The following GRM7 variants were observed in gnomAD, a reference collection of about 807,000 sequenced individuals.
GRM7 encodes the protein metabotropic glutamate receptor 7.
Under a neutral mutation model 84.5 loss-of-function variants are expected in GRM7, and 35 were observed. The ratio of observed to expected loss-of-function variants is 0.41; its 90% CI spans 0.32 to 0.55. The LOEUF (loss-of-function observed/expected upper bound fraction) is 0.55. GRM7 is among the 20% of genes least tolerant of loss of function. GRM7 has a pLI of 0.19. For missense variants in GRM7, 1,003 were observed against 1,194.6 expected, an observed-to-expected ratio of 0.84 and a Z score of 2.36; for synonymous variants, 487 against 455.1, an observed-to-expected ratio of 1.07 and a Z score of -0.89.
chr3:7,384,033 ATTTC>A (rs1694690670), intron 4 of GRM7, among the ~76,000 whole-genome samples: 1 of 152,090 alleles, frequency 6.6e-6, no homozygotes, highest in East Asian at 1.9e-4. Context: ...ACATGTATTT[ATTTC>A]TTTATTTAGG....
intron 7 of GRM7, among the ~76,000 whole-genome samples, chr3:7,482,938 A>G (rs1050421588): frequency 6.6e-6 from 1 of 152,210 alleles, no homozygotes; most frequent in African/African-American, 2.4e-5. Flanking sequence ...AGAAAGAGCT[A>G]ACATTTATTT....
intron 1 of GRM7, among the ~76,000 whole-genome samples, chr3:6,922,892 T>C (rs930964707): frequency 2.6e-5 from 4 of 152,238 alleles, no homozygotes; most frequent in African/African-American, 9.6e-5. Context: ...ATAAAGAATG[T>C]TGAATAAGTG....
chr3:7,536,217 A>G (rs1027438671), intron 7 of GRM7, among the ~76,000 whole-genome samples: 1 of 152,166 alleles, frequency 6.6e-6, no homozygotes, highest in African/African-American at 2.4e-5. Flanking sequence ...GTTTGAGATC[A>G]CTTATCAGTT....
rs530149152 is a variant in GRM7, at chr3:6,899,210, A to C, written c.519+37303A>C. Reference sequence around the variant, plus strand: ...TGATACTGTGCTAGTTCTTTTACATATCTTTTCTCACTTAGTTTTATCTAT... The same window carrying C: ...TGATACTGTGCTAGTTCTTTTACATCTCTTTTCTCACTTAGTTTTATCTAT... On this transcript the variant is annotated intron_variant, in intron 1 of 9. Coordinates refer to ENST00000357716, the MANE Select transcript of GRM7 (RefSeq NM_000844.4). Among the ~76,000 whole-genome samples, 3 of 152,304 alleles carry C rather than the reference A, an allele frequency of 2.0e-5. No individual in the cohort carries two copies. In the East Asian group the frequency reaches 5.8e-4, roughly 29 times the overall value.
At chr3:6,948,686 G>A (rs1698188191) in intron 1 of GRM7, among the ~76,000 whole-genome samples, 2 of 152,186 alleles carry the variant, frequency 1.3e-5, no homozygotes, top group African/African-American at 2.4e-5. Context: ...TTGTGTGGGT[G>A]TCTAAGTCTC....
At chr3:7,630,148 T>A (rs1207310969) in intron 8 of GRM7, among the ~76,000 whole-genome samples, 8 of 152,184 alleles carry the variant, frequency 5.3e-5, no homozygotes, top group Non-Finnish European at 1.2e-4. Flanking sequence ...AAACTTCAGA[T>A]GACAAGAATG....
intron 7 of GRM7, among the ~76,000 whole-genome samples, chr3:7,554,716 T>G (rs182516199): frequency 6.6e-6 from 1 of 152,278 alleles, no homozygotes; most frequent in East Asian, 1.9e-4. Flanking sequence ...CATACTCTCT[T>G]CATTAGTTGG....
At chr3:7,162,045 C>A (rs1694641602) in intron 2 of GRM7, among the ~76,000 whole-genome samples, 1 of 152,138 alleles carries the variant, frequency 6.6e-6, no homozygotes, top group South Asian at 2.1e-4. Context: ...TTGTGAACAA[C>A]TAATTGGATG....
At chr3:7,707,930 A>ATTTTT (rs34344224) in intron 9 of GRM7, among the ~76,000 whole-genome samples, 4 of 123,688 alleles carry the variant, frequency 3.2e-5, no homozygotes, top group Admixed American at 1.6e-4. Flanking sequence ...GAAGCTTTCA[A>ATTTTT]TTTTTTTTTT....
At chr3:7,448,190 A>T (rs1697607779) in intron 5 of GRM7, among the ~76,000 whole-genome samples, 1 of 151,072 alleles carries the variant, frequency 6.6e-6, no homozygotes, top group Admixed American at 6.6e-5. Flanking sequence ...TGCTATTGTG[A>T]ATAATGCCGC....
chr3:6,949,266 C>A (rs895907170), intron 1 of GRM7, among the ~76,000 whole-genome samples: 15 of 152,188 alleles, frequency 9.9e-5, no homozygotes, highest in Admixed American at 3.9e-4. Context: ...GACAAAATCT[C>A]TCAGCATTTG....
intron 1 of GRM7, among the ~76,000 whole-genome samples, chr3:7,120,425 T>C (rs1362369583): frequency 6.6e-6 from 1 of 152,110 alleles, no homozygotes; most frequent in Non-Finnish European, 1.5e-5. Flanking sequence ...ATTTTAATGT[T>C]TTCTAAAGGA....
chr3:7,693,115 G>T (rs1386180714), intron 9 of GRM7, among the ~76,000 whole-genome samples: 1 of 151,914 alleles, frequency 6.6e-6, no homozygotes, highest in Non-Finnish European at 1.5e-5. Flanking sequence ...GAACGGAAAT[G>T]TTTAATTCTC....
At chr3:6,938,185 C>T (rs1046853148) in intron 1 of GRM7, among the ~76,000 whole-genome samples, 77 of 152,232 alleles carry the variant, frequency 5.1e-4, no homozygotes, top group East Asian at 3.9e-3. Flanking sequence ...TAGATTGTTC[C>T]CCTTCATTCA....
At chr3:7,537,251 C>A (rs145222733) in intron 7 of GRM7, among the ~76,000 whole-genome samples, 1 of 152,232 alleles carries the variant, frequency 6.6e-6, no homozygotes, top group Non-Finnish European at 1.5e-5. Context: ...CTTCTTCTTT[C>A]CTCCCTTTTA....
chr3:7,208,247 A>T (rs1696303415), intron 2 of GRM7, among the ~76,000 whole-genome samples: 1 of 152,188 alleles, frequency 6.6e-6, no homozygotes, highest in South Asian at 2.1e-4. Context: ...ATACTAAAAG[A>T]GAGTGAAGAA....
intron 1 of GRM7, among the ~76,000 whole-genome samples, chr3:6,921,165 C>T (rs1212039615): frequency 6.6e-6 from 1 of 152,150 alleles, no homozygotes; most frequent in East Asian, 1.9e-4. Context: ...GGTTCTAGCT[C>T]CCAGCAGGAA....
At chr3:7,164,097 A>G (rs1320638408) in intron 2 of GRM7, among the ~76,000 whole-genome samples, 3 of 152,150 alleles carry the variant, frequency 2.0e-5, no homozygotes, top group Non-Finnish European at 4.4e-5. Context: ...AGTGGCTCAC[A>G]CCTGTAATCC....
chr3:7,119,727 A>G (rs1693156800), intron 1 of GRM7, among the ~76,000 whole-genome samples: 1 of 152,158 alleles, frequency 6.6e-6, no homozygotes, highest in African/African-American at 2.4e-5. Context: ...TGTTCCAGTT[A>G]GAATTGGAAA....
Sources: gnomAD v4.1 joint callset for allele counts (sites outside exome capture counted in the v4.1 genomes callset) on GRCh38, gnomAD v4.1.1 for gene constraint, MANE v1.5 for transcripts, NCBI Gene and HGNC (gene_info 2026-07-23, HGNC 2026-07-21) for gene names.